HELZ: variants seen among roughly 807,000 people sequenced by gnomAD.
HELZ encodes the protein ATP-dependent RNA helicase with zinc finger domain.
Under a neutral mutation model 218.2 loss-of-function variants are expected in HELZ, and 23 were observed. The ratio of observed to expected loss-of-function variants is 0.11; its 90% CI spans 0.08 to 0.15. The LOEUF is 0.15. Ranked by LOEUF, HELZ falls within the 10% of genes least tolerant of loss-of-function variation. The probability of loss-of-function intolerance (pLI) is 1.00; values close to 1 mark genes in which losing one functional copy is unlikely to be tolerated. For missense variants in HELZ, 1,813 were observed against 2,353.7 expected, an observed-to-expected ratio of 0.77 and a Z score of 4.75; for synonymous variants, 814 against 829.4, an observed-to-expected ratio of 0.98 and a Z score of 0.32.
chr17:67,116,101 A>G lies in HELZ; in HGVS notation c.3839-1698T>C, dbSNP rs1018184376. 1.1e-4 allele frequency among the ~76,000 whole-genome samples: 16 copies of G among 152,244 alleles called. No individual in the cohort carries two copies. In the South Asian group the frequency reaches 2.3e-3, roughly 22 times the overall value. On this transcript the variant is annotated intron_variant, in intron 27 of 32. Transcript: ENST00000358691. ...TGAAGTGGTAAAATATAAATTGGAA[A>G]GTAGTCTGTGATAGGTTAAAGATTT...
chr17:67,131,459 G>A (rs1277181997), intron 23 of HELZ, among the ~76,000 whole-genome samples: 1 of 151,998 alleles, frequency 6.6e-6, no homozygotes, highest in Non-Finnish European at 1.5e-5. Flanking sequence ...TCGAGTTAAC[G>A]TGTACCAATT....
intron 21 of HELZ, 112 bp from the exon 22 acceptor site, chr17:67,138,226 A>T (rs913604764): frequency 4.8e-4 from 126 of 263,958 alleles, no homozygotes; most frequent in Non-Finnish European, 5.9e-4. Flanking sequence ...GATGTCATTT[A>T]AAAAAAAAAA....
intron 31 of HELZ, among the ~76,000 whole-genome samples, chr17:67,092,934 C>T (rs1257526646): frequency 6.6e-6 from 1 of 151,834 alleles, no homozygotes; most frequent in African/African-American, 2.4e-5. Flanking sequence ...TGCCACTGCA[C>T]TCCCACCTGG....
chr17:67,208,640 G>C (rs1415393873), intron 5 of HELZ, among the ~76,000 whole-genome samples: 1 of 151,982 alleles, frequency 6.6e-6, no homozygotes, highest in Non-Finnish European at 1.5e-5. Flanking sequence ...GTTAAGGCTG[G>C]GTGCAGCGGT....
At chr17:67,123,815 C>CTCTGTGTGTG (rs1555605451) in intron 25 of HELZ, 148 bp downstream of exon 25, 2 of 534,092 alleles carry the variant, frequency 3.7e-6, no homozygotes, top group East Asian at 7.2e-5. Flanking sequence ...TCCAAAGTGA[C>CTCTGTGTGTG]TGTGTGTGTG....
chr17:67,180,055 T>G (rs1026325304), intron 12 of HELZ, among the ~76,000 whole-genome samples: 10 of 152,216 alleles, frequency 6.6e-5, no homozygotes, highest in African/African-American at 2.4e-4. Context: ...CAAATAATCT[T>G]AGTAATTTCT....
At chr17:67,116,903 T>A (rs1319173340) in intron 27 of HELZ, among the ~76,000 whole-genome samples, 1 of 152,228 alleles carries the variant, frequency 6.6e-6, no homozygotes, top group African/African-American at 2.4e-5. Context: ...TTGCCCAGGC[T>A]GGAGTGCAAT....
chr17:67,154,121 TAA>T (rs1270047044), intron 17 of HELZ, among the ~76,000 whole-genome samples: 1 of 152,224 alleles, frequency 6.6e-6, no homozygotes, highest in African/African-American at 2.4e-5. Flanking sequence ...AAAAGGTTTT[TAA>T]AAAGAGTAAT....
At chr17:67,097,743 T>TC (rs142133201) in intron 31 of HELZ, among the ~76,000 whole-genome samples, 3,686 of 152,352 alleles carry the variant, frequency 0.024, 74 homozygotes, top group Non-Finnish European at 0.039. Context: ...CAACAGCTCT[T>TC]ACAATGAGCA....
chr17:67,121,286 CTG>C (rs1171432937), intron 26 of HELZ, among the ~76,000 whole-genome samples: 2 of 152,174 alleles, frequency 1.3e-5, no homozygotes, highest in Non-Finnish European at 2.9e-5. Context: ...TTTATTATAA[CTG>C]TTAAATGCAA....
chr17:67,153,927 C>T (rs2038765020), intron 17 of HELZ, among the ~76,000 whole-genome samples: 1 of 152,132 alleles, frequency 6.6e-6, no homozygotes, highest in African/African-American at 2.4e-5. Context: ...AGTTTAAGAG[C>T]AAAATCTGGT....
In HELZ at chr17:67,222,712, T is replaced by C. The variant is rs536453062; in HGVS notation, c.-18-3890A>G. Among the ~76,000 whole-genome samples, 3 of 152,200 alleles carry C rather than the reference T, an allele frequency of 2.0e-5. No individual in the cohort carries two copies. The South Asian group carries it at 6.2e-4, about 32-fold the overall frequency. ...ACTCCTTCTGAAGAAGCTAAAGTGGTTTATCAAGCATAAAAGCAAAACTGT... is the reference window on the plus strand; with the variant it reads ...ACTCCTTCTGAAGAAGCTAAAGTGGCTTATCAAGCATAAAAGCAAAACTGT... On this transcript the variant is annotated intron_variant, in intron 3 of 32. Transcript: ENST00000358691.
Position 67,120,613 on chromosome 17 carries a change from C to A in HELZ, c.3631-1G>T. ...TACCCTGGTATCCTGTCCATGGTAC[C>A]TAGGTTATTAAAAAATAAAATACAT... On this transcript the variant is annotated splice_acceptor_variant, in intron 26 of 32. Transcript: ENST00000358691. LOFTEE classifies it high-confidence loss of function. 1 of 1,605,264 alleles carries A rather than the reference C, an allele frequency of 6.2e-7. No individual in the cohort carries two copies. Among genetic ancestry groups the A allele is most frequent in the South Asian group, 1.1e-5 (1 of 90,870 alleles).
At chr17:67,131,306 T>C (rs1324287212) in intron 23 of HELZ, among the ~76,000 whole-genome samples, 1 of 152,182 alleles carries the variant, frequency 6.6e-6, no homozygotes, top group Non-Finnish European at 1.5e-5. Context: ...ACCCTGTTCC[T>C]ATATCACCCT....
intron 27 of HELZ, among the ~76,000 whole-genome samples, chr17:67,116,486 C>T (rs200094214): frequency 7.7e-5 from 3 of 39,184 alleles, no homozygotes; most frequent in African/African-American, 2.2e-4. Context: ...GGTAAAAATA[C>T]ACACACACAC....
rs562921761 is a variant in HELZ at position 67,212,284 on chromosome 17, C to T, written c.247+3615G>A. 6.0e-5 allele frequency among the ~76,000 whole-genome samples: 7 copies of T among 117,596 alleles called. No individual in the cohort carries two copies. In the South Asian group the frequency reaches 1.7e-3, roughly 29 times the overall value. The allele number at this position is 117,596 out of a possible 152,430, so 77.1% of individuals were successfully genotyped here. A position where few individuals can be genotyped will look rare whatever the true frequency, so the allele number is the denominator to read the frequency against. On this transcript the variant is annotated intron_variant, in intron 5 of 32. Transcript: ENST00000358691. ...GAGCCGAGATCGCACCACTGCACTC[C>T]AACCTGGGCGACAGGGAGAGACACC...
At chr17:67,080,714 T>A (rs1160734941) in intron 32 of HELZ, among the ~76,000 whole-genome samples, 2 of 152,204 alleles carry the variant, frequency 1.3e-5, no homozygotes, top group Non-Finnish European at 2.9e-5. Flanking sequence ...AGTCATGGCA[T>A]GGCTAAATAA....
Position 67,198,906 on chromosome 17 carries a change from A to T in HELZ, c.429+2223T>A, listed in dbSNP as rs939093813. Among the ~76,000 whole-genome samples the T allele has an allele frequency of 5.9e-5, 9 of 152,238 alleles. 1 individual carries two copies. The highest frequency in any genetic ancestry group is 5.9e-4 in the Admixed American group (9 of 15,282). On this transcript the variant is annotated intron_variant, in intron 7 of 32. Transcript: ENST00000358691. Reference sequence around the variant, plus strand: ...GAAAAAAATTACAAAAACTTAAGTCACTTCTTCCAAAAGTATAGTCACAAA... The same window carrying T: ...GAAAAAAATTACAAAAACTTAAGTCTCTTCTTCCAAAAGTATAGTCACAAA...
At chr17:67,163,004 A>T (rs2039033862) in intron 15 of HELZ, among the ~76,000 whole-genome samples, 1 of 152,196 alleles carries the variant, frequency 6.6e-6, no homozygotes, top group African/African-American at 2.4e-5. Context: ...GTAAACTGCT[A>T]CTTCAATCTA....
Sources: gnomAD v4.1 joint callset for allele counts (sites outside exome capture counted in the v4.1 genomes callset) on GRCh38, gnomAD v4.1.1 for gene constraint, MANE v1.5 for transcripts, NCBI Gene and HGNC (gene_info 2026-07-23, HGNC 2026-07-21) for gene names.